ATF7IP2: variants seen among roughly 807,000 people sequenced by gnomAD.
The protein encoded by ATF7IP2 is activating transcription factor 7 interacting protein 2.
Under a neutral mutation model 64.2 loss-of-function variants are expected in ATF7IP2, and 42 were observed. That is an observed-to-expected ratio of 0.65 (90% CI 0.51 to 0.85). ATF7IP2 has a LOEUF of 0.85. Among genes scored for constraint, ATF7IP2 ranks in the 40% least tolerant of loss-of-function variants. The pLI is 0.00. For missense variants in ATF7IP2, 933 were observed against 784.2 expected, an observed-to-expected ratio of 1.19 and a Z score of -2.27; for synonymous variants, 308 against 272.8, an observed-to-expected ratio of 1.13 and a Z score of -1.27.
intron 9 of ATF7IP2, among the ~76,000 whole-genome samples, chr16:10,462,511 T>G (rs2049409002): frequency 6.6e-6 from 1 of 152,168 alleles, no homozygotes; most frequent in Admixed American, 6.5e-5. Context: ...TTCAGCACTT[T>G]CATTTTCATC....
chr16:10,438,040 A>C (rs2048480398), intron 6 of ATF7IP2, 61 bp from the exon 7 acceptor site: 9 of 1,341,680 alleles, frequency 6.7e-6, no homozygotes, highest in Non-Finnish European at 8.9e-6. Flanking sequence ...TTTAAGTAGA[A>C]AGTAAAATTG....
chr16:10,479,958 CTTTTTTTTTTTTTTTTTTTTTTTTT>C lies in ATF7IP2; in HGVS notation c.1550-902_1550-878del, dbSNP rs201158427. Among the ~76,000 whole-genome samples, 189 of 80,588 alleles carry C rather than the reference CTTTTTTTTTTTTTTTTTTTTTTTTT, an allele frequency of 2.3e-3. 1 individual carries two copies. Among genetic ancestry groups the C allele is most frequent in the African/African-American group, 7.6e-3 (173 of 22,676 alleles). 52.9% of individuals were successfully genotyped at this position (80,588 alleles called of 152,430 possible). A position where few individuals can be genotyped will look rare whatever the true frequency, so the allele number is the denominator to read the frequency against. On this transcript the variant is annotated intron_variant, in intron 12 of 13. Coordinates refer to ENST00000562102, the MANE Select transcript of ATF7IP2 (RefSeq NM_001393719.1). ...TCTCAGTGATTTAGAACTGGAAATA[CTTTTTTTTTTTTTTTTTTTTTTTTT>C]TTTTTTTTTTTTTTTTTTGAGACAG...
At chr16:10,462,663 G>A (rs1442489021) in intron 9 of ATF7IP2, among the ~76,000 whole-genome samples, 1 of 152,154 alleles carries the variant, frequency 6.6e-6, no homozygotes. Context: ...AGGTGGTGGG[G>A]TGGTGGTAGT....
At chr16:10,386,508 C>T (rs2047206982) in intron 1 of ATF7IP2, 1 of 152,162 alleles carries the variant, frequency 6.6e-6, no homozygotes, top group Non-Finnish European at 1.5e-5. Context: ...GATAAATCTC[C>T]ACCTCCACCA....
At chr16:10,458,114 G>A (rs192251393) in intron 9 of ATF7IP2, among the ~76,000 whole-genome samples, 9 of 152,316 alleles carry the variant, frequency 5.9e-5, no homozygotes, top group African/African-American at 1.7e-4. Flanking sequence ...ATAACTATGC[G>A]TACACAAGGA....
intron 1 of ATF7IP2, among the ~76,000 whole-genome samples, chr16:10,405,214 A>G (rs2047612787): frequency 6.6e-6 from 1 of 151,670 alleles, no homozygotes; most frequent in Non-Finnish European, 1.5e-5. Context: ...AAAAAAAAAT[A>G]CAAAAAATTA....
At chr16:10,408,230 C>T (rs536202927) in intron 1 of ATF7IP2, among the ~76,000 whole-genome samples, 1 of 152,272 alleles carries the variant, frequency 6.6e-6, no homozygotes, top group Non-Finnish European at 1.5e-5. Context: ...TTTCTTTATG[C>T]ACTCGTTGAT....
chr16:10,473,943 T>C lies in ATF7IP2; in HGVS notation c.1503T>C (p.Asp501=). The C allele has an allele frequency of 3.9e-6, 6 of 1,537,390 alleles. No homozygotes were observed. Among genetic ancestry groups the C allele is most frequent in the Non-Finnish European group, 4.4e-6 (5 of 1,126,408 alleles). ...TTTAGGCTGTACAGAAGAAACTTGATTCTATAATTGATTTGACAAAAGAAG... is the reference window on the plus strand; with the variant it reads ...TTTAGGCTGTACAGAAGAAACTTGACTCTATAATTGATTTGACAAAAGAAG... ...AEVMAVQKKL[D]SIIDLTKEGL... The change falls in exon 12 of 14, where the codon GAT becomes GAC. Residue 501 remains aspartate, a synonymous_variant. Transcript: ENST00000562102.
At chr16:10,425,724 T>A (rs1169285336) in intron 3 of ATF7IP2, among the ~76,000 whole-genome samples, 1 of 151,950 alleles carries the variant, frequency 6.6e-6, no homozygotes, top group Non-Finnish European at 1.5e-5. Flanking sequence ...AGGAACCCCA[T>A]CTCTATTAAA....
chr16:10,396,175 A>G (rs527851551), intron 1 of ATF7IP2, among the ~76,000 whole-genome samples: 10 of 152,206 alleles, frequency 6.6e-5, no homozygotes, highest in Admixed American at 1.3e-4. Flanking sequence ...AAAGTAGTAC[A>G]AAACATATAC....
chr16:10,469,610 T>C (rs1242657106), intron 9 of ATF7IP2, among the ~76,000 whole-genome samples: 1 of 152,014 alleles, frequency 6.6e-6, no homozygotes, highest in Admixed American at 6.6e-5. Context: ...ACCCCGTCTC[T>C]ACTAAAAATA....
Position 10,471,985 on chromosome 16 carries a change from C to CTATTTAT in ATF7IP2, c.1353-125_1353-124insTATTTAT, listed in dbSNP as rs2049817176. On this transcript the variant is annotated intron_variant, in intron 9 of 13. Transcript: ENST00000562102. ...ATTTGGTTTTATCATTTCTATTTCC[C>CTATTTAT]CCCACGATTGTTCAATTAAAACATT... is the stretch of plus-strand genomic sequence containing the variant. 2.9e-5 allele frequency: 13 copies of CTATTTAT among 452,838 alleles called. No individual in the cohort carries two copies. The South Asian group carries it at 6.4e-4, about 22-fold the overall frequency. 28.1% of individuals were successfully genotyped at this position (452,838 alleles called of 1,614,324 possible). A position where few individuals can be genotyped will look rare whatever the true frequency, so the allele number is the denominator to read the frequency against.
At chr16:10,466,411 T>C (rs897863712) in intron 9 of ATF7IP2, among the ~76,000 whole-genome samples, 2 of 152,164 alleles carry the variant, frequency 1.3e-5, no homozygotes, top group African/African-American at 4.8e-5. Context: ...AATTGCTAGG[T>C]CATAAGGTAT....
intron 7 of ATF7IP2, among the ~76,000 whole-genome samples, chr16:10,438,551 C>T (rs1335272062): frequency 6.6e-6 from 1 of 151,972 alleles, no homozygotes; most frequent in Non-Finnish European, 1.5e-5. Context: ...CCACACCTGG[C>T]CCATGTGAGT....
At chr16:10,413,142 A>C (rs1427410297) in intron 1 of ATF7IP2, among the ~76,000 whole-genome samples, 1 of 152,110 alleles carries the variant, frequency 6.6e-6, no homozygotes, top group Admixed American at 6.6e-5. Flanking sequence ...TAAGTGGAGC[A>C]TTTAGGCCAT....
chr16:10,455,003 C>CGT (rs2049120551), intron 8 of ATF7IP2, among the ~76,000 whole-genome samples: 1 of 152,178 alleles, frequency 6.6e-6, no homozygotes, highest in African/African-American at 2.4e-5. Flanking sequence ...GACGAATGTT[C>CGT]CATGTACAGA....
At chr16:10,419,026 G>A (rs1038619113) in intron 2 of ATF7IP2, among the ~76,000 whole-genome samples, 16 of 152,282 alleles carry the variant, frequency 1.1e-4, no homozygotes, top group South Asian at 4.1e-4. Flanking sequence ...CATGGGAATC[G>A]TTGCGCAGCA....
At chr16:10,407,079 G>C (rs894656764) in intron 1 of ATF7IP2, among the ~76,000 whole-genome samples, 1 of 152,152 alleles carries the variant, frequency 6.6e-6, no homozygotes, top group African/African-American at 2.4e-5. Flanking sequence ...TTCAACATGT[G>C]CTAGCTATCA....
At chr16:10,439,423 G>C (rs2048534228) in intron 7 of ATF7IP2, among the ~76,000 whole-genome samples, 1 of 151,772 alleles carries the variant, frequency 6.6e-6, no homozygotes. Flanking sequence ...TTTTAGTAGA[G>C]ACGGGTTTCA....
Sources: gnomAD v4.1 joint callset for allele counts (sites outside exome capture counted in the v4.1 genomes callset) on GRCh38, gnomAD v4.1.1 for gene constraint, MANE v1.5 for transcripts, NCBI Gene and HGNC (gene_info 2026-07-23, HGNC 2026-07-21) for gene names.